Variants in FSTL4 observed in about 807,000 individuals in gnomAD.
FSTL4 encodes follistatin-related protein 4.
Under a neutral mutation model 78.2 loss-of-function variants are expected in FSTL4, and 28 were observed. That is an observed-to-expected ratio of 0.36 (90% confidence interval 0.27 to 0.49). The LOEUF is 0.49. Ranked by LOEUF, FSTL4 falls within the 20% of genes least tolerant of loss-of-function variation. FSTL4 has a pLI of 0.98. For synonymous variants in FSTL4, 422 were observed against 440.5 expected (o/e 0.96, Z 0.53); for missense variants, 922 against 1,084.9 (o/e 0.85, Z 2.11).
At chr5:133,375,692 T>C (rs973749177) in intron 4 of FSTL4, among the ~76,000 whole-genome samples, 4 of 152,204 alleles carry the variant, frequency 2.6e-5, no homozygotes, top group Non-Finnish European at 4.4e-5. Flanking sequence ...TGGGTATAGT[T>C]GATCCATTAG....
intron 4 of FSTL4, among the ~76,000 whole-genome samples, chr5:133,396,222 T>G (rs1756041838): frequency 6.6e-6 from 1 of 152,220 alleles, no homozygotes; most frequent in Non-Finnish European, 1.5e-5. Context: ...GGCACCAGCA[T>G]CATCCCTAGT....
chr5:133,536,497 T>A (rs892812764), intron 3 of FSTL4, among the ~76,000 whole-genome samples: 4 of 152,136 alleles, frequency 2.6e-5, no homozygotes, highest in Admixed American at 2.0e-4. Flanking sequence ...TTGGGGGACA[T>A]TTAAAGGTAC....
chr5:133,533,309 TCTCTGCTCACTATAGC>T (rs1283246417), intron 3 of FSTL4, among the ~76,000 whole-genome samples: 3 of 152,198 alleles, frequency 2.0e-5, no homozygotes, highest in Admixed American at 1.3e-4. Context: ...AGTGATGTGA[TCTCTGCTCACTATAGC>T]CTCAAACTCC....
chr5:133,398,533 C>T (rs1756131668), intron 4 of FSTL4, among the ~76,000 whole-genome samples: 1 of 152,222 alleles, frequency 6.6e-6, no homozygotes, highest in African/African-American at 2.4e-5. Flanking sequence ...CTGCGTTCTT[C>T]ACAGTTTGTG....
chr5:133,369,751 T>C (rs1456847934), intron 4 of FSTL4, among the ~76,000 whole-genome samples: 3 of 152,208 alleles, frequency 2.0e-5, no homozygotes, highest in Admixed American at 1.3e-4. Flanking sequence ...AACGACACCA[T>C]TAAGGGCAAC....
chr5:133,381,349 T>C (rs971088900), intron 4 of FSTL4, among the ~76,000 whole-genome samples: 2 of 152,192 alleles, frequency 1.3e-5, no homozygotes, highest in African/African-American at 4.8e-5. Context: ...ATACCCCATA[T>C]GAACTAGTCT....
intron 4 of FSTL4, among the ~76,000 whole-genome samples, chr5:133,337,083 C>G (rs889183755): frequency 1.3e-5 from 2 of 152,220 alleles, no homozygotes; most frequent in African/African-American, 4.8e-5. Flanking sequence ...TCGGGGATGG[C>G]GGGCTGCAGG....
intron 4 of FSTL4, among the ~76,000 whole-genome samples, chr5:133,396,948 C>A (rs927768002): frequency 3.5e-4 from 53 of 152,174 alleles, no homozygotes; most frequent in African/African-American, 1.3e-3. Context: ...TGCAACCGCC[C>A]GCAGGCTGAG....
At chr5:133,345,968 G>A (rs937728236) in intron 4 of FSTL4, among the ~76,000 whole-genome samples, 23 of 152,120 alleles carry the variant, frequency 1.5e-4, no homozygotes, top group African/African-American at 5.3e-4. Context: ...CACTATTCAC[G>A]ATAACAAAGA....
At chr5:133,291,916 A>G (rs897758164) in intron 6 of FSTL4, among the ~76,000 whole-genome samples, 1 of 152,180 alleles carries the variant, frequency 6.6e-6, no homozygotes, top group African/African-American at 2.4e-5. Context: ...ACATGTTTTA[A>G]TCAGCAAGCC....
the FSTL4 span, among the ~76,000 whole-genome samples, chr5:133,790,620 C>G: frequency 2.6e-5 from 4 of 152,182 alleles, no homozygotes; most frequent in East Asian, 7.7e-4. Context: ...CCCTCAACAT[C>G]TCCACACAGA....
chr5:133,778,696 T>A, the FSTL4 span, among the ~76,000 whole-genome samples: 1 of 152,130 alleles, frequency 6.6e-6, no homozygotes, highest in South Asian at 2.1e-4. Flanking sequence ...GGCAAAGCTT[T>A]CTCCAAAACC....
At chr5:133,795,413 G>A in the FSTL4 span, among the ~76,000 whole-genome samples, 1 of 152,242 alleles carries the variant, frequency 6.6e-6, no homozygotes, top group Non-Finnish European at 1.5e-5. Flanking sequence ...AAGGCTGTTA[G>A]CATGAGAATA....
chr5:133,734,055 C>T, the FSTL4 span, among the ~76,000 whole-genome samples: 2 of 152,244 alleles, frequency 1.3e-5, no homozygotes, highest in Non-Finnish European at 2.9e-5. Context: ...CTTCTATATC[C>T]TAGCCTTGGA....
chr5:133,239,545 C>T (rs1751770651), intron 7 of FSTL4, among the ~76,000 whole-genome samples: 1 of 152,182 alleles, frequency 6.6e-6, no homozygotes, highest in Non-Finnish European at 1.5e-5. Flanking sequence ...GTGTCTAGCT[C>T]ATGGTTTGTG....
At chr5:133,272,705 C>G (rs1284707579) in intron 6 of FSTL4, among the ~76,000 whole-genome samples, 1 of 152,228 alleles carries the variant, frequency 6.6e-6, no homozygotes, top group African/African-American at 2.4e-5. Context: ...AATAATAACT[C>G]TTCCGATTTT....
chr5:133,833,905 G>C, the FSTL4 span, among the ~76,000 whole-genome samples: 1 of 152,276 alleles, frequency 6.6e-6, no homozygotes, highest in Non-Finnish European at 1.5e-5. Context: ...AAACTAGAAA[G>C]AGCCTTTGGA....
intron 6 of FSTL4, among the ~76,000 whole-genome samples, chr5:133,265,696 C>T (rs1277490449): frequency 6.6e-6 from 1 of 152,214 alleles, no homozygotes; most frequent in East Asian, 1.9e-4. Flanking sequence ...CTCCCCCTCC[C>T]ACTAGGGACC....
At chr5:133,464,202 G>C (rs1474395359) in intron 3 of FSTL4, among the ~76,000 whole-genome samples, 5 of 152,174 alleles carry the variant, frequency 3.3e-5, no homozygotes, top group Admixed American at 2.0e-4. Flanking sequence ...GACATCTGTA[G>C]CCCAGCCCTG....
Sources: allele counts gnomAD v4.1 joint callset (sites outside exome capture counted in the v4.1 genomes callset), GRCh38; gene constraint gnomAD v4.1.1; transcripts MANE v1.5; gene names NCBI Gene and HGNC (gene_info 2026-07-23, HGNC 2026-07-21).